PRPF8: variants seen among roughly 807,000 people sequenced by gnomAD.
PRPF8 encodes the protein pre-mRNA-processing-splicing factor 8.
PRPF8 carries 64 observed loss-of-function variants against 285.9 expected under a neutral mutation model. That is an observed-to-expected ratio of 0.22 (90% CI 0.18 to 0.28). The LOEUF is 0.28. Ranked by LOEUF, PRPF8 falls within the 10% of genes least tolerant of loss-of-function variation. The pLI is 1.00. For missense variants in PRPF8, 1,426 were observed against 3,026.7 expected (o/e 0.47, Z 12.41); for synonymous variants, 1,325 against 1,118.2 (o/e 1.18, Z -3.69).
Position 1,659,866 on chromosome 17 carries a change from G to A in PRPF8, c.4921C>T (p.Arg1641Trp), listed in dbSNP as rs1298142298. The A allele has an allele frequency of 1.2e-6, 2 of 1,614,134 alleles. No individual in the cohort carries two copies. Among genetic ancestry groups the A allele is most frequent in the South Asian group, 1.1e-5 (1 of 91,078 alleles). Reference sequence around the variant, plus strand: ...TTGGAGTCAGCCAGCAATGAGGGCCGGGAGACATTCCACTTATAGGAGGCA... The same window carrying A: ...TTGGAGTCAGCCAGCAATGAGGGCCAGGAGACATTCCACTTATAGGAGGCA... ...LFASYKWNVS[R>W]PSLLADSKDV... Residue 1641 changes from arginine to tryptophan, a missense_variant, in exon 31 of 43, where the codon CGG becomes TGG. Coordinates refer to ENST00000304992, the MANE Select transcript of PRPF8 (RefSeq NM_006445.4). The surrounding 1 kb of genome is among the most constrained non-coding windows in gnomAD (Gnocchi z 5.1).
rs1481527522 is a variant in PRPF8, at chr17:1,658,779, G to A, written c.5139-16C>T. 3 of 1,610,860 alleles carry A rather than the reference G, an allele frequency of 1.9e-6. No homozygotes were observed. The highest frequency in any genetic ancestry group is 2.2e-5 in the East Asian group (1 of 44,862). ...TCCATAGGCACTGTGAGGATAAAAGGGTCAAGAAAAGTTAAGACGAGAATG... is the reference window on the plus strand; with the variant it reads ...TCCATAGGCACTGTGAGGATAAAAGAGTCAAGAAAAGTTAAGACGAGAATG... On this transcript the variant is annotated splice_polypyrimidine_tract_variant and intron_variant, in intron 32 of 42. Transcript: ENST00000304992. This position sits in a 1 kb window ranked among gnomAD's most constrained non-coding sequence, Gnocchi z 4.1.
At position 1,673,384 on chromosome 17, in the gene PRPF8, C is replaced by T. The variant is rs762722586; in HGVS notation, c.3630G>A (p.Lys1210=). The T allele has an allele frequency of 6.2e-7, 1 of 1,614,126 alleles. No individual in the cohort carries two copies. The highest frequency in any genetic ancestry group is 1.7e-5 in the Admixed American group (1 of 60,010). Residue 1210 remains lysine (K), a synonymous_variant, in exon 23 of 43, where the codon AAG becomes AAA. Coordinates refer to ENST00000304992, the MANE Select transcript of PRPF8 (RefSeq NM_006445.4). The surrounding 1 kb of genome is among the most constrained non-coding windows in gnomAD (Gnocchi z 5.5). The part of the protein sequence containing the change: ...CRTSYEEFTH[K]DGVWNLQNEV... ...CATTCTGCAGGTTCCAGACCCCGTC[C>T]TTGTGGGTGAACTCCTCATAGCTGG...
At chr17:1,668,354 CTTTTTTTTTTT>C (rs970795981) in intron 24 of PRPF8, among the ~76,000 whole-genome samples, 4 of 105,590 alleles carry the variant, frequency 3.8e-5, no homozygotes, top group South Asian at 3.2e-4. Flanking sequence ...GTCTAGCATT[CTTTTTTTTTTT>C]TTTTTTTTTT....
At chr17:1,656,851 C>A in intron 34 of PRPF8, 90 bp from the exon 35 acceptor site, 3 of 1,156,268 alleles carry the variant, frequency 2.6e-6, no homozygotes, top group Non-Finnish European at 3.8e-6. Context: ...AATAATCCAA[C>A]TACGTTTCTA....
Position 1,650,826 on chromosome 17 carries a change from C to T in PRPF8, c.6984G>A (p.Ala2328=), listed in dbSNP as rs768551565. ...GTCAGGCATACAGGTCCTCCCGATC[C>T]GCAGAGTAAACCTCCCCCTCCTGCA... is the stretch of plus-strand genomic sequence containing the variant. ...ALLQEGEVYS[A]DREDLYA is the part of the protein sequence containing the mutation. The change falls in exon 43 of 43, where the codon GCG becomes GCA. Residue 2328 remains alanine, a synonymous_variant. Coordinates refer to ENST00000304992, the MANE Select transcript of PRPF8 (RefSeq NM_006445.4). The T allele has an allele frequency of 5.2e-5, 84 of 1,614,004 alleles. No homozygotes were observed. The highest frequency in any genetic ancestry group is 1.6e-4 in the East Asian group (7 of 44,890).
Position 1,673,941 on chromosome 17 carries a change from G to A in PRPF8, c.3300-49C>T, listed in dbSNP as rs753335239. The A allele has an allele frequency of 1.9e-6, 3 of 1,604,112 alleles. No homozygotes were observed. Among genetic ancestry groups the A allele is most frequent in the Non-Finnish European group, 2.5e-6 (3 of 1,179,150 alleles). On this transcript the variant is annotated intron_variant, in intron 21 of 42. Transcript: ENST00000304992. The surrounding 1 kb of genome is among the most constrained non-coding windows in gnomAD (Gnocchi z 5.5). ...TGAGGCCCCAGTACACTGAGATTTG[G>A]GACACCCACAAGTCCTCCAGCTCAA...
intron 24 of PRPF8, among the ~76,000 whole-genome samples, chr17:1,666,159 C>T (rs1911973638): frequency 1.4e-5 from 2 of 141,254 alleles, no homozygotes; most frequent in Admixed American, 1.4e-4. Flanking sequence ...GGGCGAGACT[C>T]TGTCTCAAAA....
Position 1,653,791 on chromosome 17 carries a change from A to G in PRPF8, c.6213T>C (p.Thr2071=), listed in dbSNP as rs747977984. 7.4e-6 allele frequency: 12 copies of G among 1,614,072 alleles called. No individual in the cohort carries two copies. The highest frequency in any genetic ancestry group is 9.3e-6 in the Non-Finnish European group (11 of 1,180,008). The change falls in exon 38 of 43, where the codon ACT becomes ACC. Residue 2071 remains threonine, a synonymous_variant. Coordinates refer to ENST00000304992, the MANE Select transcript of PRPF8 (RefSeq NM_006445.4). The surrounding 1 kb of genome is among the most constrained non-coding windows in gnomAD (Gnocchi z 4.9). The part of the protein sequence containing the change: ...NYETQTFSSK[T]EWRVRAISAA... ...CCCGACAGTACCTGACCCTCCACTC[A>G]GTCTTGGATGAGAAAGTCTGGGTCT...
intron 14 of PRPF8, 166 bp downstream of exon 14, chr17:1,677,399 A>G: frequency 8.9e-7 from 1 of 1,121,792 alleles, no homozygotes; most frequent in Non-Finnish European, 1.3e-6. Flanking sequence ...AAGGCCCCAG[A>G]AGGAAGCCCA....
Position 1,650,766 on chromosome 17 carries a change from G to C in PRPF8, c.*36C>G, listed in dbSNP as rs776962939. 7.4e-6 allele frequency: 12 copies of C among 1,612,152 alleles called. No individual in the cohort carries two copies. The East Asian group carries it at 2.2e-4, about 30-fold the overall frequency. On this transcript the variant is annotated 3_prime_UTR_variant, in exon 43 of 43. Transcript: ENST00000304992. ...GCCTGTCTGGAGGGGCTGAGGCTTC[G>C]GCCTCGGGAGGCTGAAGCAGGAGGC...
chr17:1,683,105 C>T (rs1913028064), intron 3 of PRPF8: 1 of 278,246 alleles, frequency 3.6e-6, no homozygotes, highest in Non-Finnish European at 7.1e-6. Context: ...ACGCCATTCT[C>T]CTGCCTCAGC....
chr17:1,655,218 A>G (rs1042303438), intron 37 of PRPF8, 132 bp downstream of exon 37: 8 of 1,014,602 alleles, frequency 7.9e-6, no homozygotes, highest in Non-Finnish European at 1.2e-5. Flanking sequence ...TTGGCCTCCC[A>G]AAGTGCTGGG....
At position 1,676,197 on chromosome 17, in the gene PRPF8, T is replaced by C. The variant is rs766665331; in HGVS notation, c.2552+10A>G. The C allele has an allele frequency of 5.0e-6, 8 of 1,613,310 alleles. No homozygotes were observed. The highest frequency in any genetic ancestry group is 6.8e-6 in the Non-Finnish European group (8 of 1,179,988). The stretch of plus-strand genomic sequence containing the variant: ...CTTCCCAGCAGGAACCTATCTACCC[T>C]ACTACTCACCTATAAGCTTCCTTGA... On this transcript the variant is annotated intron_variant, in intron 17 of 42. Coordinates refer to ENST00000304992, the MANE Select transcript of PRPF8 (RefSeq NM_006445.4). This position sits in a 1 kb window ranked among gnomAD's most constrained non-coding sequence, Gnocchi z 6.3.
rs777087610 is a variant in PRPF8 at position 1,660,597 on chromosome 17, T to C, written c.4639-19A>G. ...CATATACCTGCCAGGAAAACGACAA[T>C]GTGACATTAGAGATCAAGAGACTCG... On this transcript the variant is annotated intron_variant, in intron 29 of 42. Coordinates refer to ENST00000304992, the MANE Select transcript of PRPF8 (RefSeq NM_006445.4). 4.2e-5 allele frequency: 67 copies of C among 1,614,008 alleles called. No homozygotes were observed. Among genetic ancestry groups the C allele is most frequent in the Non-Finnish European group, 5.6e-5 (66 of 1,180,038 alleles).
chr17:1,650,959 T>G lies in PRPF8; in HGVS notation c.6854-3A>C, dbSNP rs374387787. ...CATGTTGGGGTCATGCCGAACACCT[T>G]CGGGGAGAAGGAAACAGCCAATGTT... On this transcript the variant is annotated splice_region_variant and splice_polypyrimidine_tract_variant and intron_variant, in intron 42 of 42. Transcript: ENST00000304992. The G allele has an allele frequency of 5.9e-5, 96 of 1,614,148 alleles. 1 individual carries two copies. In the African/African-American group the frequency reaches 1.0e-3, roughly 17 times the overall value.
At position 1,677,572 on chromosome 17, in the gene PRPF8, C is replaced by T. The variant is rs1364288650; in HGVS notation, c.1977G>A (p.Gln659=). The T allele has an allele frequency of 6.2e-7, 1 of 1,614,062 alleles. No homozygotes were observed. Among genetic ancestry groups the T allele is most frequent in the South Asian group, 1.1e-5 (1 of 91,078 alleles). The change falls in exon 14 of 43, where the codon CAG becomes CAA. Residue 659 remains glutamine (Q), a synonymous_variant. Coordinates refer to ENST00000304992, the MANE Select transcript of PRPF8 (RefSeq NM_006445.4). ...ACAGAGAAAACCACTCACCTTCAAA[C>T]TGCCGGGCCAGGAGGTTGCCAAGCC... ...ERWLGNLLAR[Q]FEGRHSKGVA... is the part of the protein sequence containing the mutation.
chr17:1,662,227 T>TA, intron 24 of PRPF8, 74 bp from the exon 25 acceptor site: 1 of 1,526,058 alleles, frequency 6.6e-7, no homozygotes, highest in African/African-American at 1.4e-5. Flanking sequence ...TTGATGCAGT[T>TA]AGTTTTATCC....
rs1184051594 is a variant in PRPF8 at position 1,656,549 on chromosome 17, A to C, written c.5636T>G (p.Phe1879Cys). The C allele has an allele frequency of 6.2e-7, 1 of 1,614,194 alleles. No homozygotes were observed. The highest frequency in any genetic ancestry group is 8.5e-7 in the Non-Finnish European group (1 of 1,180,032). ...LDPLEVHLLD[F>C]PNIVIKGSEL... ...CGATCCTTTGATGACAATATTGGGG[A>C]AGTCCAGTAAGTGCACCTAAGACAA... Residue 1879 changes from phenylalanine (F) to cysteine (C), a missense_variant, in exon 36 of 43, where the codon TTC becomes TGC. Around this residue, in one of 34 missense-constraint regions of PRPF8, gnomAD observed 29 missense variants for 86.4 expected, o/e 0.34. Coordinates refer to ENST00000304992, the MANE Select transcript of PRPF8 (RefSeq NM_006445.4).
chr17:1,660,728 G>C lies in PRPF8; in HGVS notation c.4608C>G (p.Leu1536=), dbSNP rs2151116085. 2 of 1,614,092 alleles carry C rather than the reference G, an allele frequency of 1.2e-6. No individual in the cohort carries two copies. Among genetic ancestry groups the C allele is most frequent in the South Asian group, 1.1e-5 (1 of 91,088 alleles). The change falls in exon 29 of 43, where the codon CTC becomes CTG. Residue 1536 remains leucine, a synonymous_variant. Transcript: ENST00000304992. The part of the protein sequence containing the change: ...LNQIPNRRFT[L]WWSPTINRAN... ...CTCGATTAATGGTCGGGGACCACCA[G>C]AGGGTGAATCTACGATTGGGAATCT...
Sources: gnomAD v4.1 joint callset for allele counts (sites outside exome capture counted in the v4.1 genomes callset) on GRCh38, gnomAD v4.1.1 for gene constraint, gnomAD v4.1.1 regional missense constraint, Gnocchi (gnomAD v3.1) non-coding constraint, MANE v1.5 for transcripts, NCBI Gene and HGNC (gene_info 2026-07-23, HGNC 2026-07-21) for gene names.